The following HGD variants were observed in gnomAD, a reference collection of about 807,000 sequenced individuals.
The protein encoded by HGD is homogentisate oxidase.
HGD carries 61 observed loss-of-function variants against 60.8 expected under a neutral mutation model. That is an observed-to-expected ratio of 1.00 (90% CI 0.82 to 1.24). HGD has a LOEUF of 1.24. HGD is among the 50% of genes most tolerant of loss of function. The pLI, the probability that HGD is intolerant of heterozygous loss-of-function variation, is 0.00. For missense variants in HGD, 542 were observed against 547.1 expected (o/e 0.99, Z 0.09); for synonymous variants, 212 against 187.7 (o/e 1.13, Z -1.06).
chr3:120,660,744 G>C (rs141361492), intron 4 of HGD, among the ~76,000 whole-genome samples: 3,227 of 152,280 alleles, frequency 0.021, 50 homozygotes, highest in Middle Eastern at 0.041. Context: ...AGAATCGCTT[G>C]AACCCAAGAG....
At chr3:120,677,700 G>C (rs957648232) in intron 1 of HGD, among the ~76,000 whole-genome samples, 6 of 152,074 alleles carry the variant, frequency 3.9e-5, no homozygotes, top group Admixed American at 2.6e-4. Context: ...TGATGTCTGT[G>C]ACCCACACCT....
chr3:120,676,495 A>G (rs1309207046), intron 1 of HGD, among the ~76,000 whole-genome samples: 1 of 152,208 alleles, frequency 6.6e-6, no homozygotes, highest in Non-Finnish European at 1.5e-5. Flanking sequence ...AGAGCCCCTG[A>G]AACTTACTCT....
Position 120,646,252 on chromosome 3 carries a change from G to A in HGD, c.649+15C>T, listed in dbSNP as rs749620027. ...CATCTCAAGCGAGGCTTAGAGGCTTGTAATGAAGATTTACCAATTGGTCCA... is the reference window on the plus strand; with the variant it reads ...CATCTCAAGCGAGGCTTAGAGGCTTATAATGAAGATTTACCAATTGGTCCA... On this transcript the variant is annotated intron_variant, in intron 9 of 13. Coordinates refer to ENST00000283871, the MANE Select transcript of HGD (RefSeq NM_000187.4). 2 of 1,482,730 alleles carry A rather than the reference G, an allele frequency of 1.3e-6. No individual in the cohort carries two copies. The highest frequency in any genetic ancestry group is 1.9e-6 in the Non-Finnish European group (2 of 1,060,132). 91.8% of individuals were successfully genotyped at this position (1,482,730 alleles called of 1,614,324 possible).
At chr3:120,641,803 C>T (rs997581416) in intron 10 of HGD, 110 bp from the exon 11 acceptor site, 3 of 812,906 alleles carry the variant, frequency 3.7e-6, no homozygotes, top group African/African-American at 3.3e-5. Flanking sequence ...TGATTTTGTT[C>T]TCGATTTAAT....
rs1940562881 is a variant in HGD at position 120,630,812 on chromosome 3, A to ATGTG, written c.1189-2284_1189-2283insCACA. On this transcript the variant is annotated intron_variant, in intron 13 of 13. Coordinates refer to ENST00000283871, the MANE Select transcript of HGD (RefSeq NM_000187.4). ...ACTTAAGAGCTTTATATATATATAT[A>ATGTG]TATATATATATATACACATACACAC... Among the ~76,000 whole-genome samples the ATGTG allele has an allele frequency of 3.6e-5, 3 of 83,518 alleles. 1 individual carries two copies. The highest frequency in any genetic ancestry group is 1.7e-4 in the African/African-American group (3 of 17,220). 54.8% of individuals were successfully genotyped at this position (83,518 alleles called of 152,430 possible).
At chr3:120,668,915 CAGA>C (rs1475804283) in intron 4 of HGD, among the ~76,000 whole-genome samples, 1 of 152,140 alleles carries the variant, frequency 6.6e-6, no homozygotes, top group Non-Finnish European at 1.5e-5. Context: ...CTGGGGTTCT[CAGA>C]AGGTTAAAAA....
chr3:120,680,592 A>G (rs1393747989), intron 1 of HGD, among the ~76,000 whole-genome samples: 1 of 152,212 alleles, frequency 6.6e-6, no homozygotes, highest in African/African-American at 2.4e-5. Flanking sequence ...TTCATCAGAA[A>G]ACAAAGTTTC....
intron 12 of HGD, among the ~76,000 whole-genome samples, chr3:120,634,732 C>A (rs1213324224): frequency 6.6e-6 from 1 of 152,166 alleles, no homozygotes; most frequent in African/African-American, 2.4e-5. Flanking sequence ...CATGCCTGCC[C>A]TTCTTGCTTA....
At chr3:120,629,463 C>A (rs956544494) in intron 13 of HGD, among the ~76,000 whole-genome samples, 1 of 152,160 alleles carries the variant, frequency 6.6e-6, no homozygotes, top group Admixed American at 6.5e-5. Context: ...AGTATCGCTG[C>A]CTGATTTCCT....
chr3:120,661,408 C>A (rs1037796976), intron 4 of HGD, among the ~76,000 whole-genome samples: 1 of 152,166 alleles, frequency 6.6e-6, no homozygotes, highest in Admixed American at 6.5e-5. Context: ...ATTTATTGAA[C>A]CTCTCTGTGT....
chr3:120,634,069 A>G (rs1481392583), intron 12 of HGD, among the ~76,000 whole-genome samples: 2 of 152,144 alleles, frequency 1.3e-5, no homozygotes, highest in Non-Finnish European at 2.9e-5. Context: ...ATTGGAAGGT[A>G]TCCTTACTTC....
intron 13 of HGD, among the ~76,000 whole-genome samples, chr3:120,630,847 C>CACACACACACACAT (rs1940570472): frequency 1.3e-5 from 1 of 78,522 alleles, no homozygotes; most frequent in Non-Finnish European, 2.7e-5. Flanking sequence ...CACACATACA[C>CACACACACACACAT]ACACACACAC....
chr3:120,633,447 T>G, intron 12 of HGD, 119 bp from the exon 13 acceptor site: 1 of 1,581,906 alleles, frequency 6.3e-7, no homozygotes, highest in Non-Finnish European at 8.6e-7. Flanking sequence ...GTAAATTGTA[T>G]AGGATTAATA....
chr3:120,662,328 A>C (rs2551570), intron 4 of HGD, among the ~76,000 whole-genome samples: 74,406 of 151,930 alleles, frequency 0.49, 19,216 homozygotes, highest in East Asian at 0.63. Flanking sequence ...AGGTCATTAA[A>C]ATAGTCTAGG....
chr3:120,648,075 T>C (rs1339193901), intron 6 of HGD, among the ~76,000 whole-genome samples, 164 bp from the exon 7 acceptor site: 3 of 152,188 alleles, frequency 2.0e-5, no homozygotes, highest in African/African-American at 7.2e-5. Context: ...ACTTAGAGTC[T>C]AGTGGGGAGT....
intron 4 of HGD, among the ~76,000 whole-genome samples, chr3:120,667,746 A>T (rs539145398): frequency 6.6e-6 from 1 of 152,316 alleles, no homozygotes; most frequent in African/African-American, 2.4e-5. Context: ...CCTGTTAACC[A>T]CTACTGATTT....
intron 9 of HGD, 53 bp from the exon 10 acceptor site, chr3:120,644,496 A>G (rs557341939): frequency 6.2e-7 from 1 of 1,612,682 alleles, no homozygotes; most frequent in South Asian, 1.1e-5. Context: ...CATAGGAAAG[A>G]TGCCCATGGT....
rs1413985635 is a variant in HGD, at chr3:120,674,945, G to C, written c.132C>G (p.Leu44=). 8 of 1,612,090 alleles carry C rather than the reference G, an allele frequency of 5.0e-6. No homozygotes were observed. The highest frequency in any genetic ancestry group is 6.8e-6 in the Non-Finnish European group (8 of 1,178,562). The change falls in exon 3 of 14, where the codon CTC becomes CTG. Residue 44 remains leucine (L), a synonymous_variant. Transcript: ENST00000283871. ...VCPYNLYAEQ[L]SGSAFTCPRS... is the part of the protein sequence containing the mutation. ...GTGGACAAGTGAAAGCCGATCCTGAGAGCTGCTCAGCATAGAGATTGTAGG... is the reference window on the plus strand; with the variant it reads ...GTGGACAAGTGAAAGCCGATCCTGACAGCTGCTCAGCATAGAGATTGTAGG...
At chr3:120,669,601 T>G (rs2107547391) in intron 4 of HGD, among the ~76,000 whole-genome samples, 1 of 152,274 alleles carries the variant, frequency 6.6e-6, no homozygotes, top group East Asian at 1.9e-4. Context: ...AACCTACTCT[T>G]GTGCCAATCA....
Sources: gnomAD v4.1 joint callset for allele counts (sites outside exome capture counted in the v4.1 genomes callset) on GRCh38, gnomAD v4.1.1 for gene constraint, MANE v1.5 for transcripts, NCBI Gene and HGNC (gene_info 2026-07-23, HGNC 2026-07-21) for gene names.